The following ARHGAP10 variants were observed in gnomAD, a reference collection of about 807,000 sequenced individuals.
ARHGAP10 encodes the protein rho GTPase-activating protein 10.
Under a neutral mutation model 108.6 loss-of-function variants are expected in ARHGAP10, and 87 were observed. That is an observed-to-expected ratio of 0.80 (90% confidence interval 0.67 to 0.96). The LOEUF (loss-of-function observed/expected upper bound fraction) is 0.96. Ranked by LOEUF, ARHGAP10 falls within the 40% of genes least tolerant of loss-of-function variation. ARHGAP10 has a pLI of 0.00. For missense variants in ARHGAP10, 939 were observed against 954.5 expected (o/e 0.98, Z 0.21); for synonymous variants, 347 against 341.1 (o/e 1.02, Z -0.19).
At chr4:147,881,783 G>A in intron 9 of ARHGAP10, 55 bp from the exon 10 acceptor site, 1 of 1,527,454 alleles carries the variant, frequency 6.5e-7, no homozygotes. Context: ...GAATGGCTGA[G>A]TGTGTATATA....
At position 147,978,821 on chromosome 4, in the gene ARHGAP10, A is replaced by C. The variant is rs936176237; in HGVS notation, c.1716+11982A>C. Among the ~76,000 whole-genome samples, 3 of 152,148 alleles carry C rather than the reference A, an allele frequency of 2.0e-5. No individual in the cohort carries two copies. The South Asian group carries it at 6.2e-4, about 32-fold the overall frequency. On this transcript the variant is annotated intron_variant, in intron 18 of 22. Transcript: ENST00000336498. Reference sequence around the variant, plus strand: ...ATTTCTCTGAAGATTAATGATGTTGAACAATTTTTTCATATGTTTTTTGGC... The same window carrying C: ...ATTTCTCTGAAGATTAATGATGTTGCACAATTTTTTCATATGTTTTTTGGC...
intron 14 of ARHGAP10, among the ~76,000 whole-genome samples, chr4:147,942,711 A>G (rs1388493559): frequency 2.0e-5 from 3 of 152,168 alleles, no homozygotes; most frequent in African/African-American, 7.2e-5. Context: ...GTCTAAATAG[A>G]GAGGCAGTTA....
chr4:147,817,233 G>T (rs1023787868), intron 1 of ARHGAP10, among the ~76,000 whole-genome samples: 2 of 152,166 alleles, frequency 1.3e-5, no homozygotes, highest in Non-Finnish European at 2.9e-5. Flanking sequence ...GGGGTGGGAA[G>T]TTGTAGGAGT....
chr4:147,950,979 C>T (rs142162850), intron 15 of ARHGAP10, among the ~76,000 whole-genome samples: 64 of 152,232 alleles, frequency 4.2e-4, no homozygotes, highest in African/African-American at 1.5e-3. Flanking sequence ...CAGATCCCAA[C>T]GAGTGGCAAA....
At chr4:147,949,768 G>C (rs1240335643) in intron 15 of ARHGAP10, among the ~76,000 whole-genome samples, 1 of 152,230 alleles carries the variant, frequency 6.6e-6, no homozygotes, top group Admixed American at 6.5e-5. Flanking sequence ...CAGGTAAAGG[G>C]ATTGACTGAG....
intron 12 of ARHGAP10, among the ~76,000 whole-genome samples, chr4:147,910,189 A>G (rs1391268764): frequency 2.0e-5 from 3 of 151,410 alleles, no homozygotes; most frequent in African/African-American, 7.3e-5. Flanking sequence ...TTTTATTTTT[A>G]ATTTTTTTGT....
chr4:147,979,516 G>A (rs1739729906), intron 18 of ARHGAP10, among the ~76,000 whole-genome samples: 1 of 151,898 alleles, frequency 6.6e-6, no homozygotes, highest in African/African-American at 2.4e-5. Flanking sequence ...GACTGTTGAG[G>A]CTTTTTTTTT....
chr4:148,040,327 C>G (rs950418252), intron 19 of ARHGAP10, among the ~76,000 whole-genome samples: 9 of 151,940 alleles, frequency 5.9e-5, no homozygotes, highest in African/African-American at 2.2e-4. Context: ...ACTAGGAACC[C>G]TACAGGTTTT....
At chr4:147,798,308 C>G (rs2134707) in intron 1 of ARHGAP10, among the ~76,000 whole-genome samples, 17,249 of 152,156 alleles carry the variant, frequency 0.11, 2,831 homozygotes, top group African/African-American at 0.36. Context: ...TTATACAACA[C>G]CTGCTATTAT....
chr4:147,847,594 ACG>A (rs903790730), intron 4 of ARHGAP10, among the ~76,000 whole-genome samples: 8 of 152,312 alleles, frequency 5.3e-5, no homozygotes, highest in African/African-American at 1.4e-4. Context: ...AAGATTATAG[ACG>A]CTGCCACACT....
At chr4:147,733,219 C>G (rs758755380) in intron 1 of ARHGAP10, among the ~76,000 whole-genome samples, 6 of 152,104 alleles carry the variant, frequency 3.9e-5, no homozygotes, top group Non-Finnish European at 8.8e-5. Flanking sequence ...GAAGAAGACA[C>G]GAGATACAGG....
At chr4:147,863,556 A>G (rs1016059447) in intron 5 of ARHGAP10, 1 of 152,270 alleles carries the variant, frequency 6.6e-6, no homozygotes, top group South Asian at 2.1e-4. Flanking sequence ...GGGTGTACAC[A>G]TATCTGTTCG....
chr4:147,768,972 A>T (rs187021110), intron 1 of ARHGAP10, among the ~76,000 whole-genome samples: 18 of 152,190 alleles, frequency 1.2e-4, no homozygotes, highest in Admixed American at 5.9e-4. Flanking sequence ...TCCTGACTTC[A>T]AGTGATCTGC....
chr4:147,765,338 G>GTGT (rs1553947366), intron 1 of ARHGAP10, among the ~76,000 whole-genome samples: 42,604 of 80,968 alleles, frequency 0.53, 9,326 homozygotes, highest in East Asian at 0.72. Flanking sequence ...GTGTGTGTGT[G>GTGT]GGGGGGGGGG....
chr4:147,733,594 C>A (rs1055813446), intron 1 of ARHGAP10, among the ~76,000 whole-genome samples: 1 of 152,192 alleles, frequency 6.6e-6, no homozygotes, highest in Admixed American at 6.5e-5. Flanking sequence ...TGGGGAAAAT[C>A]CCCCATCTCA....
At chr4:147,789,320 C>T (rs963371037) in intron 1 of ARHGAP10, among the ~76,000 whole-genome samples, 13 of 152,172 alleles carry the variant, frequency 8.5e-5, no homozygotes, top group African/African-American at 2.9e-4. Flanking sequence ...GTCAGAGTCT[C>T]ACTCTGTCAC....
At chr4:148,028,125 A>T (rs1403404422) in intron 19 of ARHGAP10, among the ~76,000 whole-genome samples, 2 of 152,132 alleles carry the variant, frequency 1.3e-5, no homozygotes, top group Non-Finnish European at 2.9e-5. Context: ...GGAAGTCTGT[A>T]GGGGGTGCTT....
At position 147,873,623 on chromosome 4, in the gene ARHGAP10, C is replaced by T. The variant is rs144220284; in HGVS notation, c.703-1398C>T. ...GGTAGATTGCTTGAGCCCAGGAGTT[C>T]GAGACCAGCCTGGGCCCCATAATGA... On this transcript the variant is annotated intron_variant, in intron 7 of 22. Coordinates refer to ENST00000336498, the MANE Select transcript of ARHGAP10 (RefSeq NM_024605.4). Among the ~76,000 whole-genome samples the T allele has an allele frequency of 1.3e-4, 19 of 149,540 alleles. No individual in the cohort carries two copies. In the East Asian group the frequency reaches 3.0e-3, roughly 24 times the overall value.
chr4:148,009,032 AT>A (rs1011176439), intron 18 of ARHGAP10, among the ~76,000 whole-genome samples: 20 of 152,078 alleles, frequency 1.3e-4, no homozygotes, highest in African/African-American at 4.8e-4. Context: ...AAAGTTTTAA[AT>A]TTTTTTTACT....
Sources: gnomAD v4.1 joint callset for allele counts (sites outside exome capture counted in the v4.1 genomes callset) on GRCh38, gnomAD v4.1.1 for gene constraint, MANE v1.5 for transcripts, NCBI Gene and HGNC (gene_info 2026-07-23, HGNC 2026-07-21) for gene names.